Variants in ELK3 observed in about 807,000 individuals in gnomAD.
ELK3 encodes ETS domain-containing protein Elk-3.
In ELK3, 10 loss-of-function variants were observed where a neutral mutation model predicts 28.9. That is an observed-to-expected ratio of 0.35 (90% CI 0.21 to 0.59). The LOEUF is 0.59. ELK3 is among the 20% of genes least tolerant of loss of function. The pLI, the probability that ELK3 is intolerant of heterozygous loss-of-function variation, is 0.82. For synonymous variants in ELK3, 272 were observed against 243.5 expected (o/e 1.12, Z -1.09); for missense variants, 463 against 517.3 (o/e 0.90, Z 1.02).
At chr12:96,241,519 C>T (rs1425355523) in intron 2 of ELK3, among the ~76,000 whole-genome samples, 1 of 151,494 alleles carries the variant, frequency 6.6e-6, no homozygotes, top group Non-Finnish European at 1.5e-5. Flanking sequence ...ATGCCTGTAA[C>T]CTGTCAGGGT....
intron 3 of ELK3, among the ~76,000 whole-genome samples, chr12:96,257,793 G>T (rs1010223898): frequency 1.3e-5 from 2 of 152,244 alleles, no homozygotes; most frequent in African/African-American, 4.8e-5. Context: ...GGCTGACTCA[G>T]TTGAGTTGGT....
intron 1 of ELK3, among the ~76,000 whole-genome samples, chr12:96,209,192 A>G (rs894361576): frequency 2.0e-5 from 3 of 152,264 alleles, no homozygotes; most frequent in Admixed American, 6.5e-5. Flanking sequence ...TCGATGCAAA[A>G]AGAGTTTGAG....
At chr12:96,236,680 A>G (rs1301614429) in intron 2 of ELK3, among the ~76,000 whole-genome samples, 2 of 152,190 alleles carry the variant, frequency 1.3e-5, no homozygotes, top group African/African-American at 2.4e-5. Context: ...CGCAGTGGGA[A>G]GGGCTAGTTG....
chr12:96,242,793 C>G (rs1345532347), intron 2 of ELK3, among the ~76,000 whole-genome samples: 1 of 152,202 alleles, frequency 6.6e-6, no homozygotes, highest in East Asian at 1.9e-4. Context: ...CCTCCCAGTT[C>G]CACTCTTTAG....
At position 96,269,353 on chromosome 12, in the gene ELK3, T is replaced by C. The variant is rs1173909043; in HGVS notation, c.*2173T>C. The stretch of plus-strand genomic sequence containing the variant: ...TCAACCAAAACTACTATTTTTAGTA[T>C]ACTTGTTTACGTAAATGCTGATTGG... On this transcript the variant is annotated 3_prime_UTR_variant, in exon 5 of 5. Coordinates refer to ENST00000228741, the MANE Select transcript of ELK3 (RefSeq NM_005230.4). The C allele has an allele frequency of 2.0e-5, 3 of 152,222 alleles. No individual in the cohort carries two copies. Among genetic ancestry groups the C allele is most frequent in the African/African-American group, 4.8e-5 (2 of 41,454 alleles). 9.4% of individuals were successfully genotyped at this position (152,222 alleles called of 1,614,324 possible).
At chr12:96,218,724 C>A (rs1275880819) in intron 1 of ELK3, among the ~76,000 whole-genome samples, 5 of 150,330 alleles carry the variant, frequency 3.3e-5, no homozygotes, top group Non-Finnish European at 5.9e-5. Context: ...TCTTGCCTCA[C>A]TGCAAGCTCC....
intron 4 of ELK3, among the ~76,000 whole-genome samples, chr12:96,260,092 C>T (rs1039926477): frequency 1.3e-5 from 2 of 152,144 alleles, no homozygotes; most frequent in African/African-American, 4.8e-5. Context: ...AAGTGTTTTG[C>T]ATATTTTCAT....
chr12:96,241,425 T>TG (rs1565787300), intron 2 of ELK3, among the ~76,000 whole-genome samples: 1 of 119,382 alleles, frequency 8.4e-6, no homozygotes, highest in African/African-American at 2.9e-5. Flanking sequence ...CAGTGGAGCG[T>TG]TTGTGTGTGT....
intron 4 of ELK3, among the ~76,000 whole-genome samples, chr12:96,260,456 T>A (rs574903235): frequency 6.6e-6 from 1 of 152,228 alleles, no homozygotes; most frequent in Non-Finnish European, 1.5e-5. Context: ...TGAATCATCA[T>A]TAAGTTCTCC....
chr12:96,250,562 C>T (rs1951896861), intron 3 of ELK3, among the ~76,000 whole-genome samples: 1 of 152,232 alleles, frequency 6.6e-6, no homozygotes, highest in Non-Finnish European at 1.5e-5. Context: ...CAGCCAGAAA[C>T]AGCGTGGCTC....
At chr12:96,217,869 C>T (rs566360037) in intron 1 of ELK3, among the ~76,000 whole-genome samples, 3 of 139,104 alleles carry the variant, frequency 2.2e-5, no homozygotes, top group African/African-American at 5.5e-5. Flanking sequence ...ACCCGGGAGG[C>T]AGAGGTTGCA....
At chr12:96,262,843 G>A (rs893324280) in intron 4 of ELK3, among the ~76,000 whole-genome samples, 3 of 150,772 alleles carry the variant, frequency 2.0e-5, no homozygotes, top group Admixed American at 1.3e-4. Context: ...ATTTAGAGAC[G>A]GGGTCTCATT....
chr12:96,210,623 C>T (rs572804598), intron 1 of ELK3, among the ~76,000 whole-genome samples: 8 of 151,138 alleles, frequency 5.3e-5, no homozygotes, highest in Non-Finnish European at 7.4e-5. Flanking sequence ...CCAGGGGCAC[C>T]GACTTCCAGA....
At chr12:96,216,421 G>A (rs527698887) in intron 1 of ELK3, among the ~76,000 whole-genome samples, 38 of 152,158 alleles carry the variant, frequency 2.5e-4, no homozygotes, top group Non-Finnish European at 4.4e-4. Flanking sequence ...AAGCATTTAC[G>A]ATTTTTTGTG....
At chr12:96,266,904 G>GT (rs1952036329) in intron 4 of ELK3, among the ~76,000 whole-genome samples, 178 bp from the exon 5 acceptor site, 1 of 152,160 alleles carries the variant, frequency 6.6e-6, no homozygotes, top group South Asian at 2.1e-4. Context: ...TTTGCTCTAT[G>GT]TAAATCTTGA....
Position 96,268,261 on chromosome 12 carries a change from G to C in ELK3, c.*1081G>C, listed in dbSNP as rs1411979119. 6.6e-6 allele frequency: 1 copy of C among 152,188 alleles called. No individual in the cohort carries two copies. The allele number at this position is 152,188 out of a possible 1,614,324, so 9.4% of individuals were successfully genotyped here. On this transcript the variant is annotated 3_prime_UTR_variant, in exon 5 of 5. Coordinates refer to ENST00000228741, the MANE Select transcript of ELK3 (RefSeq NM_005230.4). ...ATTTTTGATGGATCAAAAACTTGCT[G>C]TAATACAAATAGAGAGTGGAGGTAC...
In ELK3 at chr12:96,223,563, A is replaced by C. The variant is rs749443602; in HGVS notation, c.-2-2A>C. 6.2e-7 allele frequency: 1 copy of C among 1,613,608 alleles called. No individual in the cohort carries two copies. Among genetic ancestry groups the C allele is most frequent in the Non-Finnish European group, 8.5e-7 (1 of 1,179,608 alleles). On this transcript the variant is annotated splice_acceptor_variant, in intron 1 of 4. Coordinates refer to ENST00000228741, the MANE Select transcript of ELK3 (RefSeq NM_005230.4). LOFTEE classifies it low-confidence loss of function (5UTR_SPLICE). ...CTCTGACCTGGCCTCCTCTCCCTGC[A>C]GGTATGGAGAGTGCAATCACGCTGT... is the stretch of plus-strand genomic sequence containing the variant.
At chr12:96,249,418 A>G (rs1951885838) in intron 3 of ELK3, among the ~76,000 whole-genome samples, 1 of 152,088 alleles carries the variant, frequency 6.6e-6, no homozygotes, top group African/African-American at 2.4e-5. Flanking sequence ...ATCAGGATAT[A>G]GGTCAGAGTG....
At chr12:96,223,424 G>A in intron 1 of ELK3, 141 bp from the exon 2 acceptor site, 1 of 719,892 alleles carries the variant, frequency 1.4e-6, no homozygotes, top group African/African-American at 1.8e-5. Flanking sequence ...CCCTTGAGAT[G>A]GAAGTGAAAG....
Sources: gnomAD v4.1 joint callset for allele counts (sites outside exome capture counted in the v4.1 genomes callset) on GRCh38, gnomAD v4.1.1 for gene constraint, MANE v1.5 for transcripts, NCBI Gene and HGNC (gene_info 2026-07-23, HGNC 2026-07-21) for gene names.